ZSCAN12: variants seen among roughly 807,000 people sequenced by gnomAD.
ZSCAN12 encodes the protein zinc finger and SCAN domain containing 12.
Under a neutral mutation model 23.4 loss-of-function variants are expected in ZSCAN12, and 18 were observed. That is an observed-to-expected ratio of 0.77 (90% CI 0.53 to 1.14). The LOEUF is 1.14. ZSCAN12 is among the 50% of genes most tolerant of loss of function. The pLI, the probability that ZSCAN12 is intolerant of heterozygous loss-of-function variation, is 0.00. For synonymous variants in ZSCAN12, 186 were observed against 253.4 expected (o/e 0.73, Z 2.53); for missense variants, 650 against 735.0 (o/e 0.88, Z 1.34).
chr6:28,389,054 G>A lies in ZSCAN12; in HGVS notation c.*1400C>T, dbSNP rs972051558. ...CCAAGGGATAGTATCTCTAATTTGGGGTCCTTTTATGTGCTCAAGAAGTAA... is the reference window on the plus strand; with the variant it reads ...CCAAGGGATAGTATCTCTAATTTGGAGTCCTTTTATGTGCTCAAGAAGTAA... On this transcript the variant is annotated 3_prime_UTR_variant, in exon 4 of 4. Coordinates refer to ENST00000684592, the MANE Select transcript of ZSCAN12 (RefSeq NM_001163391.2). Among the ~76,000 whole-genome samples the A allele has an allele frequency of 3.3e-5, 5 of 152,028 alleles. No individual in the cohort carries two copies. Among genetic ancestry groups the A allele is most frequent in the Non-Finnish European group, 5.9e-5 (4 of 68,012 alleles).
chr6:28,393,455 A>C (rs1371901160), intron 2 of ZSCAN12, among the ~76,000 whole-genome samples: 1 of 149,308 alleles, frequency 6.7e-6, no homozygotes, highest in Non-Finnish European at 1.5e-5. Context: ...GTAAAGGTAA[A>C]TAATGTAGAG....
downstream of ZSCAN12, among the ~76,000 whole-genome samples, chr6:28,382,982 G>A (rs892072715): frequency 1.0e-5 from 1 of 98,414 alleles, no homozygotes; most frequent in Admixed American, 1.0e-4. Flanking sequence ...CATCAGAAAT[G>A]AAAAATAACA....
At chr6:28,380,444 A>G (rs1177120307), downstream of ZSCAN12, 1 of 152,338 alleles carries the variant, frequency 6.6e-6, no homozygotes, top group Non-Finnish European at 1.5e-5. Context: ...GTCTTCCTAC[A>G]TTCTTTATAC....
chr6:28,382,799 T>C (rs9654587), downstream of ZSCAN12, among the ~76,000 whole-genome samples: 9,090 of 152,230 alleles, frequency 0.06, 694 homozygotes, highest in African/African-American at 0.18. Flanking sequence ...TCTAAAAGTT[T>C]TTATTAATAA....
In ZSCAN12 at chr6:28,398,178, C is replaced by T. The variant is rs533393645; in HGVS notation, c.228G>A (p.Arg76=). The T allele has an allele frequency of 6.2e-7, 1 of 1,614,014 alleles. No homozygotes were observed. Among genetic ancestry groups the T allele is most frequent in the South Asian group, 1.1e-5 (1 of 91,064 alleles). ...RLRELCHQWL[R]PETHTKEQIL... is the part of the protein sequence containing the mutation. ...TCTGTTCTTTGGTGTGGGTCTCTGG[C>T]CTCAGCCACTGATGGCAAAGTTCTC... is the stretch of plus-strand genomic sequence containing the variant. Residue 76 remains arginine, a synonymous_variant, in exon 2 of 4, where the codon AGG becomes AGA. Coordinates refer to ENST00000684592, the MANE Select transcript of ZSCAN12 (RefSeq NM_001163391.2).
rs1390735315 is a variant in ZSCAN12, at chr6:28,388,432, T to A, written c.*2022A>T. Among the ~76,000 whole-genome samples, 1 of 152,200 alleles carries A rather than the reference T, an allele frequency of 6.6e-6. No homozygotes were observed. Among genetic ancestry groups the A allele is most frequent in the African/African-American group, 2.4e-5 (1 of 41,438 alleles). On this transcript the variant is annotated 3_prime_UTR_variant, in exon 4 of 4. Transcript: ENST00000684592. ...TGACTTCTATGGGAATATGTGTTCA[T>A]ATTTACAACTTAGCTAGAAACATAA...
At position 28,390,842 on chromosome 6, in the gene ZSCAN12, C is replaced by T; in HGVS notation, c.1448G>A (p.Ser483Asn). ...VCEKAFIQRT[S>N]LTEHQRIHTG... ...GTGAATTCGCTGATGTTCTGTAAGA[C>T]TTGTCCTTTGAATAAAGGCTTTTTC... The change falls in exon 4 of 4, where the codon AGT becomes AAT. Residue 483 changes from serine (S) to asparagine (N), a missense_variant. By Grantham distance (46) the Ser-to-Asn change is conservative (BLOSUM62 1). Coordinates refer to ENST00000684592, the MANE Select transcript of ZSCAN12 (RefSeq NM_001163391.2). The T allele has an allele frequency of 6.3e-7, 1 of 1,591,344 alleles. No individual in the cohort carries two copies. Among genetic ancestry groups the T allele is most frequent in the Non-Finnish European group, 8.6e-7 (1 of 1,168,216 alleles).
At chr6:28,379,850 G>A (rs987448426), downstream of ZSCAN12, 3 of 152,032 alleles carry the variant, frequency 2.0e-5, no homozygotes, top group African/African-American at 7.2e-5. Context: ...ACAAACAGTA[G>A]ACGATAATAC....
At position 28,390,515 on chromosome 6, in the gene ZSCAN12, T is replaced by G; in HGVS notation, c.1775A>C (p.Gln592Pro). The G allele has an allele frequency of 6.4e-7, 1 of 1,553,392 alleles. No homozygotes were observed. Among genetic ancestry groups the G allele is most frequent in the Non-Finnish European group, 8.7e-7 (1 of 1,148,512 alleles). ...VCKECGKSFRQNSALTQHQTI... is the reference protein window; with the variant it reads ...VCKECGKSFRPNSALTQHQTI... ...CTGATGTTGAGTAAGAGCTGAGTTC[T>G]GCCTGAATGATTTCCCACACTCTTT... Residue 592 changes from glutamine to proline, a missense_variant, in exon 4 of 4, where the codon CAG (glutamine) becomes CCG (proline). Transcript: ENST00000684592.
In ZSCAN12 at chr6:28,387,680, AAACT is replaced by A. The variant is rs1197022984; in HGVS notation, c.*2770_*2773del. Among the ~76,000 whole-genome samples, 8 of 152,350 alleles carry A rather than the reference AAACT, an allele frequency of 5.3e-5. No homozygotes were observed. Among genetic ancestry groups the A allele is most frequent in the Admixed American group, 2.0e-4 (3 of 15,306 alleles). The stretch of plus-strand genomic sequence containing the variant: ...AAAAACAGCAATCATGTAGTTTTAA[AAACT>A]AACTCTGGGATTAAAGAAGTATGTA... On this transcript the variant is annotated 3_prime_UTR_variant, in exon 4 of 4. Coordinates refer to ENST00000684592, the MANE Select transcript of ZSCAN12 (RefSeq NM_001163391.2).
rs1464658657 is a variant in ZSCAN12, at chr6:28,388,376, A to G, written c.*2078T>C. Among the ~76,000 whole-genome samples the G allele has an allele frequency of 1.3e-5, 2 of 152,206 alleles. No homozygotes were observed. Among genetic ancestry groups the G allele is most frequent in the Admixed American group, 6.5e-5 (1 of 15,278 alleles). ...ATCCCAGAAGCCAATTTGACACCTA[A>G]TATACCTGAATTATAATACTTATAC... is the stretch of plus-strand genomic sequence containing the variant. On this transcript the variant is annotated 3_prime_UTR_variant, in exon 4 of 4. Transcript: ENST00000684592.
In ZSCAN12 at chr6:28,387,878, G is replaced by A. The variant is rs189738468; in HGVS notation, c.*2576C>T. Among the ~76,000 whole-genome samples, 220 of 152,178 alleles carry A rather than the reference G, an allele frequency of 1.4e-3. No homozygotes were observed. The highest frequency in any genetic ancestry group is 3.4e-3 in the Middle Eastern group (1 of 294). ...CTTTGCCCTTAACATAAAAAGAGCC[G>A]AGCCCAACATTTGTACTGACTTAAG... On this transcript the variant is annotated 3_prime_UTR_variant, in exon 4 of 4. Transcript: ENST00000684592.
chr6:28,384,256 G>A (rs1760436411), downstream of ZSCAN12, among the ~76,000 whole-genome samples: 2 of 152,226 alleles, frequency 1.3e-5, no homozygotes, highest in Admixed American at 1.3e-4. Context: ...ATTCGTTACT[G>A]AAGTAGGCAG....
At chr6:28,396,261 T>C (rs1308254998) in intron 2 of ZSCAN12, among the ~76,000 whole-genome samples, 1 of 151,818 alleles carries the variant, frequency 6.6e-6, no homozygotes, top group African/African-American at 2.4e-5. Context: ...TCTGTCTCAG[T>C]GGACCAGAAC....
chr6:28,393,005 CT>C lies in ZSCAN12; in HGVS notation c.443del (p.Glu148GlyfsTer18). 6.4e-7 allele frequency: 1 copy of C among 1,551,884 alleles called. No homozygotes were observed. The highest frequency in any genetic ancestry group is 8.7e-7 in the Non-Finnish European group (1 of 1,147,020). On this transcript the variant is annotated frameshift_variant, in exon 3 of 4. Coordinates refer to ENST00000684592, the MANE Select transcript of ZSCAN12 (RefSeq NM_001163391.2). LOFTEE classifies it high-confidence loss of function. ...CTCCTTCTTTTCGTAGACGTACCGT[CT>C]CCTGCAAGAACATTTCCTGTTCCCC... Reference protein sequence around the residue: ...HTGEQEMFLQETVRLRKEGEP... With the variant: ...HTGEQEMFLQXTVRLRKEGEP...
Position 28,386,217 on chromosome 6 carries a change from A to G in ZSCAN12, c.*4237T>C, listed in dbSNP as rs1388256482. Among the ~76,000 whole-genome samples, 1 of 152,184 alleles carries G rather than the reference A, an allele frequency of 6.6e-6. No homozygotes were observed. Among genetic ancestry groups the G allele is most frequent in the East Asian group, 1.9e-4 (1 of 5,200 alleles). The stretch of plus-strand genomic sequence containing the variant: ...AACCTCTCCATGCTTTTTGCCTTAA[A>G]CACTTAATGTCTTGTTTACCTTGAA... On this transcript the variant is annotated 3_prime_UTR_variant, in exon 4 of 4. Transcript: ENST00000684592.
intron 2 of ZSCAN12, among the ~76,000 whole-genome samples, chr6:28,397,355 T>C (rs1761164227): frequency 6.6e-6 from 1 of 152,304 alleles, no homozygotes; most frequent in African/African-American, 2.4e-5. Flanking sequence ...ATCTTACAAT[T>C]AGTAAAGCTC....
In ZSCAN12 at chr6:28,391,802, A is replaced by G; in HGVS notation, c.548-60T>C. On this transcript the variant is annotated intron_variant, in intron 3 of 3. Transcript: ENST00000684592. The surrounding 1 kb of genome is among the most constrained non-coding windows in gnomAD (Gnocchi z 4.1). Reference sequence around the variant, plus strand: ...CTTTAAAATGTATCCATACATTTTAATATTAAGCAGCTGTTTAGAAATAAA... The same window carrying G: ...CTTTAAAATGTATCCATACATTTTAGTATTAAGCAGCTGTTTAGAAATAAA... 1 of 1,320,768 alleles carries G rather than the reference A, an allele frequency of 7.6e-7. No homozygotes were observed. Among genetic ancestry groups the G allele is most frequent in the South Asian group, 1.6e-5 (1 of 62,880 alleles). 81.8% of individuals were successfully genotyped at this position (1,320,768 alleles called of 1,614,324 possible).
Position 28,391,030 on chromosome 6 carries a change from TCCACAC to T in ZSCAN12, c.1254_1259del (p.Cys419_Gly420del). ...GGGATGAGTTATAAACAAAGGCTTT[TCCACAC>T]TCGTTGCACTCATACGGCTTGGCGC... On this transcript the variant is annotated inframe_deletion, in exon 4 of 4. Coordinates refer to ENST00000684592, the MANE Select transcript of ZSCAN12 (RefSeq NM_001163391.2). The surrounding 1 kb of genome is among the most constrained non-coding windows in gnomAD (Gnocchi z 4.1). 2 of 1,557,314 alleles carry T rather than the reference TCCACAC, an allele frequency of 1.3e-6. No individual in the cohort carries two copies. The highest frequency in any genetic ancestry group is 1.7e-6 in the Non-Finnish European group (2 of 1,149,844).
Sources: gnomAD v4.1 joint callset for allele counts (sites outside exome capture counted in the v4.1 genomes callset) on GRCh38, gnomAD v4.1.1 for gene constraint, Gnocchi (gnomAD v3.1) non-coding constraint, MANE v1.5 for transcripts, NCBI Gene and HGNC (gene_info 2026-07-23, HGNC 2026-07-21) for gene names.